TTLL11: variants seen among roughly 807,000 people sequenced by gnomAD.
The protein encoded by TTLL11 is tubulin tyrosine ligase like 11, also known as tubulin polyglutamylase TTLL11.
A neutral mutation model predicts 51.7 loss-of-function variants in TTLL11; 42 were observed. The ratio of observed to expected loss-of-function variants is 0.81; its 90% CI spans 0.64 to 1.05. The LOEUF (loss-of-function observed/expected upper bound fraction) is 1.05, where lower values mean the gene tolerates loss of function less well. Among genes scored for constraint, TTLL11 ranks in the 50% least tolerant of loss-of-function variants. The probability of loss-of-function intolerance (pLI) is 0.00; values close to 1 mark genes in which losing one functional copy is unlikely to be tolerated. For synonymous variants in TTLL11, 381 were observed against 383.5 expected, an observed-to-expected ratio of 0.99 and a Z score of 0.08; for missense variants, 799 against 940.4, an observed-to-expected ratio of 0.85 and a Z score of 1.97.
chr9:122,035,745 T>C (rs182549006), intron 2 of TTLL11, among the ~76,000 whole-genome samples: 1 of 152,294 alleles, frequency 6.6e-6, no homozygotes, highest in Non-Finnish European at 1.5e-5. Context: ...AGCCATCTCA[T>C]TTCTAATGTG....
At chr9:121,998,714 C>A (rs72765962) in intron 3 of TTLL11, among the ~76,000 whole-genome samples, 7,722 of 152,176 alleles carry the variant, frequency 0.051, 256 homozygotes, top group African/African-American at 0.099. Flanking sequence ...TGAGCAATTG[C>A]AGTATTGATC....
chr9:121,826,479 A>ATATG (rs546692201), intron 8 of TTLL11, among the ~76,000 whole-genome samples: 2 of 52,600 alleles, frequency 3.8e-5, no homozygotes, highest in African/African-American at 1.3e-4. Flanking sequence ...ATATATATAT[A>ATATG]TGTATATATA....
chr9:122,090,492 C>G (rs1322733378), intron 1 of TTLL11, among the ~76,000 whole-genome samples: 1 of 152,166 alleles, frequency 6.6e-6, no homozygotes, highest in Admixed American at 6.5e-5. Flanking sequence ...ACCAGGGATC[C>G]AAAGTCCATG....
At chr9:121,998,550 T>C (rs1843359594) in intron 3 of TTLL11, among the ~76,000 whole-genome samples, 2 of 152,050 alleles carry the variant, frequency 1.3e-5, no homozygotes, top group South Asian at 2.1e-4. Context: ...CCTCCCAAAG[T>C]GCTGGGATTA....
At chr9:122,009,819 TG>T (rs1317790555) in intron 3 of TTLL11, among the ~76,000 whole-genome samples, 4 of 152,072 alleles carry the variant, frequency 2.6e-5, no homozygotes, top group African/African-American at 9.7e-5. Context: ...ATCCATTCCA[TG>T]ATTTCAGATA....
intron 3 of TTLL11, among the ~76,000 whole-genome samples, chr9:122,002,087 T>TC (rs1260736465): frequency 5.9e-5 from 9 of 152,310 alleles, no homozygotes; most frequent in African/African-American, 2.2e-4. Flanking sequence ...TCCCCAACTT[T>TC]CATTTCAATG....
intron 6 of TTLL11, among the ~76,000 whole-genome samples, chr9:121,912,014 A>C (rs962720383): frequency 1.3e-5 from 2 of 152,314 alleles, no homozygotes; most frequent in Non-Finnish European, 2.9e-5. Flanking sequence ...AGGGCATTGG[A>C]GCATTAACAA....
Position 121,822,375 on chromosome 9 carries a change from G to A in TTLL11, c.*212C>T. 2.3e-6 allele frequency: 1 copy of A among 436,298 alleles called. No individual in the cohort carries two copies. Among genetic ancestry groups the A allele is most frequent in the South Asian group, 7.0e-5 (1 of 14,252 alleles). The allele number at this position is 436,298 out of a possible 1,614,324, so 27.0% of individuals were successfully genotyped here. Reference sequence around the variant, plus strand: ...TCCGATGACTGATGACTCAGAAACAGGGTGTATCACCAGGAGGTGTGAGGA... The same window carrying A: ...TCCGATGACTGATGACTCAGAAACAAGGTGTATCACCAGGAGGTGTGAGGA... On this transcript the variant is annotated 3_prime_UTR_variant, in exon 9 of 9. Coordinates refer to ENST00000321582, the MANE Select transcript of TTLL11 (RefSeq NM_001139442.2). The surrounding 1 kb of genome is among the most constrained non-coding windows in gnomAD (Gnocchi z 5.8).
intron 3 of TTLL11, among the ~76,000 whole-genome samples, chr9:122,016,801 C>T (rs963608592): frequency 6.6e-6 from 1 of 152,150 alleles, no homozygotes. Context: ...AATACAAACT[C>T]TTTCACCATA....
rs371997247 is a variant in TTLL11 at position 122,026,296 on chromosome 9, GA to G, written c.693+5426del. 3.1e-3 allele frequency among the ~76,000 whole-genome samples: 474 copies of G among 152,144 alleles called. 3 individuals are homozygous for G. Among genetic ancestry groups the G allele is most frequent in the African/African-American group, 0.011 (449 of 41,500 alleles). Reference sequence around the variant, plus strand: ...GTAATAAAAATACAAAAATTAGCTGGACATGGTGGCACATACCTGTAATCTC... The same window carrying G: ...GTAATAAAAATACAAAAATTAGCTGGCATGGTGGCACATACCTGTAATCTC... On this transcript the variant is annotated intron_variant, in intron 3 of 8. Coordinates refer to ENST00000321582, the MANE Select transcript of TTLL11 (RefSeq NM_001139442.2).
chr9:121,895,360 G>A (rs1432700541), intron 6 of TTLL11, among the ~76,000 whole-genome samples: 2 of 142,262 alleles, frequency 1.4e-5, no homozygotes, highest in African/African-American at 2.5e-5. Flanking sequence ...GTGCGTGTGT[G>A]TGTATTGTGT....
intron 6 of TTLL11, among the ~76,000 whole-genome samples, chr9:121,942,963 C>T (rs1712935762): frequency 6.6e-6 from 1 of 152,106 alleles, no homozygotes; most frequent in Admixed American, 6.6e-5. Context: ...TTCATGCCGG[C>T]GTATCAGACT....
intron 4 of TTLL11, among the ~76,000 whole-genome samples, chr9:121,980,293 T>C (rs1040869062): frequency 1.2e-4 from 18 of 152,172 alleles, no homozygotes; most frequent in Admixed American, 5.2e-4. Flanking sequence ...CAGGTATACT[T>C]GAGTGAAACA....
intron 1 of TTLL11, among the ~76,000 whole-genome samples, chr9:122,083,904 G>T (rs1468457705): frequency 6.6e-6 from 1 of 152,196 alleles, no homozygotes; most frequent in African/African-American, 2.4e-5. Context: ...TGGAAAGGGA[G>T]GGGGATGGGG....
intron 6 of TTLL11, among the ~76,000 whole-genome samples, chr9:121,905,758 T>C (rs1266797758): frequency 6.6e-6 from 1 of 152,220 alleles, no homozygotes; most frequent in Non-Finnish European, 1.5e-5. Flanking sequence ...ATATTTACAT[T>C]GTTTCTAATT....
intron 1 of TTLL11, among the ~76,000 whole-genome samples, chr9:122,044,592 C>T (rs1487143086): frequency 6.6e-6 from 1 of 152,174 alleles, no homozygotes; most frequent in Non-Finnish European, 1.5e-5. Flanking sequence ...TTTTGATTTG[C>T]ATTTCTCTGA....
chr9:122,035,403 T>C (rs1018261148), intron 2 of TTLL11, among the ~76,000 whole-genome samples: 1 of 152,244 alleles, frequency 6.6e-6, no homozygotes, highest in Non-Finnish European at 1.5e-5. Context: ...GGCTTTTCTG[T>C]CTGCTACGCT....
chr9:121,830,218 A>G (rs1001197122), intron 8 of TTLL11, among the ~76,000 whole-genome samples: 3 of 152,260 alleles, frequency 2.0e-5, no homozygotes, highest in Admixed American at 2.0e-4. Context: ...CCCTTCTCTT[A>G]GAAGATTTGC....
chr9:121,978,573 A>C (rs540161080), intron 4 of TTLL11, among the ~76,000 whole-genome samples: 1 of 152,208 alleles, frequency 6.6e-6, no homozygotes, highest in East Asian at 1.9e-4. Flanking sequence ...CTAACGGAGC[A>C]GGAATTGTAA....
Sources: gnomAD v4.1 joint callset for allele counts (sites outside exome capture counted in the v4.1 genomes callset) on GRCh38, gnomAD v4.1.1 for gene constraint, Gnocchi (gnomAD v3.1) non-coding constraint, MANE v1.5 for transcripts, NCBI Gene and HGNC (gene_info 2026-07-23, HGNC 2026-07-21) for gene names.